ABCA13: variants seen among roughly 807,000 people sequenced by gnomAD.
ABCA13 encodes the protein ATP binding cassette subfamily A member 13.
In ABCA13, 476 loss-of-function variants were observed where a neutral mutation model predicts 478.7. The observed-to-expected ratio is 0.99, with a 90% CI of 0.92 to 1.07. The LOEUF (loss-of-function observed/expected upper bound fraction) is 1.07. Ranked by LOEUF, ABCA13 falls within the 50% of genes least tolerant of loss-of-function variation. ABCA13 has a pLI of 0.00. For missense variants in ABCA13, 6,060 were observed against 5,910.6 expected, an observed-to-expected ratio of 1.03 and a Z score of -0.83; for synonymous variants, 2,252 against 2,158.9, an observed-to-expected ratio of 1.04 and a Z score of -1.20.
intron 45 of ABCA13, 49 bp downstream of exon 45, chr7:48,471,648 A>T: frequency 6.7e-6 from 10 of 1,486,984 alleles, no homozygotes; most frequent in Non-Finnish European, 9.1e-6. Context: ...AATTCAAGTG[A>T]CAAAAATGAG....
chr7:48,524,910 T>C (rs1478834266), intron 54 of ABCA13, among the ~76,000 whole-genome samples: 3 of 152,180 alleles, frequency 2.0e-5, no homozygotes, highest in African/African-American at 7.2e-5. Flanking sequence ...ATTCTAGTTA[T>C]AATGTTTAAT....
Position 48,524,379 on chromosome 7 carries a change from G to T in ABCA13, c.14183G>T (p.Arg4728Leu). 6.2e-7 allele frequency: 1 copy of T among 1,613,072 alleles called. No homozygotes were observed. Among genetic ancestry groups the T allele is most frequent in the South Asian group, 1.1e-5 (1 of 90,948 alleles). Reference protein sequence around the residue: ...LVLYNLSKHYRRFFQNIIAVQ... With the variant: ...LVLYNLSKHYLRFFQNIIAVQ... ...TTATACAACCTTAGTAAACATTATC[G>T]ACGCTTTTTCCAGAATATTATTGCT... Residue 4728 changes from arginine to leucine, a missense_variant, in exon 54 of 62, where the codon CGA (arginine) becomes CTA (leucine). Physicochemically the swap from Arg to Leu is moderately radical, Grantham distance 102 (BLOSUM62 -2). This residue lies in a region of ABCA13 where 1,627 missense variants were observed against 1,571.0 expected (regional missense o/e 1.04). Transcript: ENST00000435803.
intron 1 of ABCA13, among the ~76,000 whole-genome samples, chr7:48,176,077 C>T (rs1350284539): frequency 6.6e-6 from 1 of 152,148 alleles, no homozygotes; most frequent in Non-Finnish European, 1.5e-5. Context: ...GAGCAGTGAC[C>T]ATTCACAGGG....
At chr7:48,271,645 G>A in intron 16 of ABCA13, 142 bp from the exon 17 acceptor site, 1 of 509,110 alleles carries the variant, frequency 2.0e-6, no homozygotes, top group Non-Finnish European at 3.0e-6. Flanking sequence ...CCTCACATTA[G>A]TTTAATTTCT....
intron 10 of ABCA13, 52 bp from the exon 11 acceptor site, chr7:48,244,524 G>T: frequency 6.4e-7 from 1 of 1,569,686 alleles, no homozygotes; most frequent in South Asian, 1.1e-5. Flanking sequence ...TTCCCTAATT[G>T]GCACTTCGAA....
chr7:48,203,188 G>C (rs1219876555), intron 3 of ABCA13, among the ~76,000 whole-genome samples: 2 of 152,130 alleles, frequency 1.3e-5, no homozygotes, highest in African/African-American at 4.8e-5. Flanking sequence ...GGCCGGCAGG[G>C]CCGGCCGGCT....
intron 34 of ABCA13, among the ~76,000 whole-genome samples, chr7:48,375,925 A>G (rs1205829604): frequency 6.6e-6 from 1 of 152,204 alleles, no homozygotes; most frequent in African/African-American, 2.4e-5. Context: ...GCCTGGTACC[A>G]TAGGGAAATT....
intron 47 of ABCA13, among the ~76,000 whole-genome samples, chr7:48,487,806 T>G (rs1345569597): frequency 6.6e-6 from 1 of 151,944 alleles, no homozygotes; most frequent in Non-Finnish European, 1.5e-5. Flanking sequence ...GGGGGCAGGG[T>G]GGCATGGGGG....
chr7:48,513,100 G>A (rs1480987444), intron 51 of ABCA13, among the ~76,000 whole-genome samples: 3 of 152,206 alleles, frequency 2.0e-5, no homozygotes, highest in African/African-American at 4.8e-5. Context: ...CTGGGGAACT[G>A]CTGTCTCCTG....
intron 1 of ABCA13, among the ~76,000 whole-genome samples, chr7:48,188,660 C>A (rs1359280531): frequency 6.6e-6 from 1 of 151,966 alleles, no homozygotes. Flanking sequence ...CCCCACCCCA[C>A]CCATTTTGTC....
chr7:48,411,614 T>C (rs1244382431), intron 40 of ABCA13, among the ~76,000 whole-genome samples: 1 of 152,118 alleles, frequency 6.6e-6, no homozygotes, highest in African/African-American at 2.4e-5. Context: ...AGCCTAGAAA[T>C]ATTTTTTTGA....
At chr7:48,248,587 C>T (rs533647803) in intron 14 of ABCA13, 143 bp downstream of exon 14, 9 of 677,502 alleles carry the variant, frequency 1.3e-5, no homozygotes, top group Non-Finnish European at 2.0e-5. Context: ...AAATATTAAC[C>T]TACTGGTACT....
At chr7:48,250,696 T>C (rs1216642615) in intron 15 of ABCA13, among the ~76,000 whole-genome samples, 1 of 152,224 alleles carries the variant, frequency 6.6e-6, no homozygotes, top group Non-Finnish European at 1.5e-5. Flanking sequence ...AACTGTATGA[T>C]TCACAGGGAG....
intron 38 of ABCA13, among the ~76,000 whole-genome samples, chr7:48,399,762 A>G (rs1324508221): frequency 6.6e-6 from 1 of 152,180 alleles, no homozygotes; most frequent in East Asian, 1.9e-4. Context: ...ACAGTGGATG[A>G]TATGCTCAGA....
chr7:48,369,062 C>T (rs984895039), intron 32 of ABCA13, among the ~76,000 whole-genome samples: 2 of 151,904 alleles, frequency 1.3e-5, no homozygotes, highest in Non-Finnish European at 1.5e-5. Context: ...ATGCCAACAT[C>T]GATTATTTTT....
Position 48,415,256 on chromosome 7 carries a change from G to A in ABCA13, c.12459+2673G>A, listed in dbSNP as rs150597474. On this transcript the variant is annotated intron_variant, in intron 41 of 61. Coordinates refer to ENST00000435803, the MANE Select transcript of ABCA13 (RefSeq NM_152701.5). ...GTCAGTTTCCCTACAGACAGAAGGA[G>A]GCGCTGCTTCCAGGGGTAGTTTTGC... 3.1e-3 allele frequency among the ~76,000 whole-genome samples: 472 copies of A among 152,248 alleles called. 2 individuals carry two copies. The highest frequency in any genetic ancestry group is 0.011 in the African/African-American group (439 of 41,544).
At chr7:48,212,337 C>T (rs563608863) in intron 3 of ABCA13, among the ~76,000 whole-genome samples, 17 of 152,302 alleles carry the variant, frequency 1.1e-4, no homozygotes, top group African/African-American at 3.4e-4. Context: ...AGGTAGGCAA[C>T]GCAAGACTGT....
At chr7:48,259,163 GT>G (rs1176296029) in intron 15 of ABCA13, among the ~76,000 whole-genome samples, 1 of 152,010 alleles carries the variant, frequency 6.6e-6, no homozygotes, top group African/African-American at 2.4e-5. Flanking sequence ...AAATATTTTT[GT>G]TAGTTTTCTG....
In ABCA13 at chr7:48,309,974, C is replaced by A. The variant is rs199645353; in HGVS notation, c.9349C>A (p.Leu3117Met). 90 of 1,613,756 alleles carry A rather than the reference C, an allele frequency of 5.6e-5. No homozygotes were observed. The highest frequency in any genetic ancestry group is 6.8e-5 in the Non-Finnish European group (80 of 1,179,798). The change falls in exon 24 of 62, where the codon CTG becomes ATG. Residue 3117 changes from leucine to methionine, a missense_variant. By Grantham distance (15) the Leu-to-Met change is conservative (BLOSUM62 2). This residue lies in a region of ABCA13 where 4,423 missense variants were observed against 4,309.1 expected (regional missense o/e 1.03). Coordinates refer to ENST00000435803, the MANE Select transcript of ABCA13 (RefSeq NM_152701.5). ...TCTCTTCAGTGCCCTCACCGTAGCT[C>A]TGTCTGGAAAGTGTGATCAGGAAAT... Reference protein sequence around the residue: ...KVLFSALTVALSGKCDQEILH... With the variant: ...KVLFSALTVAMSGKCDQEILH...
Sources: gnomAD v4.1 joint callset for allele counts (sites outside exome capture counted in the v4.1 genomes callset) on GRCh38, gnomAD v4.1.1 for gene constraint, gnomAD v4.1.1 regional missense constraint, MANE v1.5 for transcripts, NCBI Gene and HGNC (gene_info 2026-07-23, HGNC 2026-07-21) for gene names.